Variants in HMCN1 observed in about 807,000 individuals in gnomAD.
HMCN1 encodes hemicentin 1, also known as hemicentin-1.
A neutral mutation model predicts 625.9 loss-of-function variants in HMCN1; 321 were observed. The observed-to-expected ratio is 0.51, with a 90% CI of 0.47 to 0.56. HMCN1 has a LOEUF of 0.56. HMCN1 is among the 20% of genes least tolerant of loss of function. The pLI, the probability that HMCN1 is intolerant of heterozygous loss-of-function variation, is 0.00. For synonymous variants in HMCN1, 2,425 were observed against 2,417.6 expected (o/e 1.00, Z -0.09); for missense variants, 6,588 against 6,887.3 (o/e 0.96, Z 1.54).
chr1:186,077,177 T>C (rs539895458), intron 54 of HMCN1, among the ~76,000 whole-genome samples: 2 of 152,244 alleles, frequency 1.3e-5, no homozygotes, highest in South Asian at 4.1e-4. Context: ...TTAAGGTCAG[T>C]GCAGTAAGTA....
chr1:185,815,808 T>A (rs1659810932), intron 1 of HMCN1, among the ~76,000 whole-genome samples: 1 of 150,344 alleles, frequency 6.7e-6, no homozygotes, highest in Non-Finnish European at 1.5e-5. Context: ...ACCATTAGGC[T>A]GCTAGAATTC....
chr1:185,802,762 T>C (rs1218879023), intron 1 of HMCN1, among the ~76,000 whole-genome samples: 1 of 152,110 alleles, frequency 6.6e-6, no homozygotes, highest in Non-Finnish European at 1.5e-5. Flanking sequence ...GAAGCCAGAC[T>C]TAACTAAAAT....
At chr1:185,736,247 AATATAT>A (rs928024676) in intron 1 of HMCN1, among the ~76,000 whole-genome samples, 1 of 152,044 alleles carries the variant, frequency 6.6e-6, no homozygotes, top group Non-Finnish European at 1.5e-5. Flanking sequence ...TGGGATATGT[AATATAT>A]ATATACACAC....
chr1:186,186,356 C>T (rs1249896114), intron 105 of HMCN1, among the ~76,000 whole-genome samples: 1 of 151,978 alleles, frequency 6.6e-6, no homozygotes, highest in Non-Finnish European at 1.5e-5. Flanking sequence ...GTGAAACCTC[C>T]TCTCTACTAA....
chr1:185,937,308 G>A (rs1180705944), intron 11 of HMCN1, among the ~76,000 whole-genome samples: 1 of 152,182 alleles, frequency 6.6e-6, no homozygotes, highest in African/African-American at 2.4e-5. Flanking sequence ...AGGCTGGGAA[G>A]TCCAAGATCC....
intron 11 of HMCN1, among the ~76,000 whole-genome samples, chr1:185,938,571 C>A (rs1395890341): frequency 6.6e-6 from 1 of 152,034 alleles, no homozygotes; most frequent in Non-Finnish European, 1.5e-5. Flanking sequence ...GATCTCATGA[C>A]CCACAGCCAG....
chr1:185,863,693 T>C (rs1412401851), intron 2 of HMCN1, among the ~76,000 whole-genome samples: 4 of 152,198 alleles, frequency 2.6e-5, no homozygotes, highest in African/African-American at 9.6e-5. Flanking sequence ...GTGACAAGAA[T>C]TGCTCTGAGG....
intron 102 of HMCN1, among the ~76,000 whole-genome samples, chr1:186,173,817 C>T (rs772079774): frequency 6.6e-5 from 10 of 151,910 alleles, no homozygotes; most frequent in Non-Finnish European, 1.5e-4. Context: ...AAAAATCTAG[C>T]TAAGTGGGAA....
At chr1:185,998,058 A>G (rs762101753) in intron 25 of HMCN1, among the ~76,000 whole-genome samples, 2 of 152,082 alleles carry the variant, frequency 1.3e-5, no homozygotes, top group Non-Finnish European at 2.9e-5. Flanking sequence ...CTATCCTACC[A>G]TGTTTTCTGC....
intron 25 of HMCN1, 134 bp downstream of exon 25, chr1:185,997,658 AC>A: frequency 4.3e-6 from 3 of 700,984 alleles, no homozygotes; most frequent in African/African-American, 1.8e-5. Context: ...ATAGAAACTA[AC>A]CCATTTTTCA....
intron 11 of HMCN1, among the ~76,000 whole-genome samples, chr1:185,941,429 A>G (rs1668074800): frequency 6.6e-6 from 1 of 152,234 alleles, no homozygotes; most frequent in Non-Finnish European, 1.5e-5. Context: ...TAAAATGTTA[A>G]GTTAGAACAT....
intron 15 of HMCN1, among the ~76,000 whole-genome samples, chr1:185,973,010 C>T (rs1650936789): frequency 6.6e-6 from 1 of 152,090 alleles, no homozygotes; most frequent in Non-Finnish European, 1.5e-5. Context: ...AAGGTAAACA[C>T]ACATCAAATC....
intron 1 of HMCN1, among the ~76,000 whole-genome samples, chr1:185,789,946 A>G (rs774778447): frequency 2.6e-5 from 4 of 152,222 alleles, no homozygotes; most frequent in Non-Finnish European, 4.4e-5. Flanking sequence ...AAAGAGCTTC[A>G]GTACTTGAGT....
chr1:185,778,823 T>C (rs1041628774), intron 1 of HMCN1, among the ~76,000 whole-genome samples: 9 of 152,202 alleles, frequency 5.9e-5, no homozygotes, highest in African/African-American at 2.2e-4. Context: ...CATGTGTCTT[T>C]ATAGCAGCAT....
chr1:186,017,177 T>TGTA, intron 33 of HMCN1, 106 bp downstream of exon 33: 2 of 742,652 alleles, frequency 2.7e-6, no homozygotes, highest in Non-Finnish European at 5.0e-6. Flanking sequence ...TGTATGAAAT[T>TGTA]GTATTCTTTA....
At chr1:185,812,582 T>A (rs758468241) in intron 1 of HMCN1, among the ~76,000 whole-genome samples, 1 of 152,282 alleles carries the variant, frequency 6.6e-6, no homozygotes, top group East Asian at 1.9e-4. Flanking sequence ...AAAGCCCACC[T>A]CTTATGAGGT....
rs532532143 is a variant in HMCN1 at position 185,947,817 on chromosome 1, A to AT, written c.1828+13995dup. Among the ~76,000 whole-genome samples, 30 of 152,296 alleles carry AT rather than the reference A, an allele frequency of 2.0e-4. No homozygotes were observed. In the East Asian group the frequency reaches 5.8e-3, roughly 29 times the overall value. ...TCATTGCCATTTACGCTAGTTGAAAATTACAGAAAAGTTATGTGAACAAGC... is the reference window on the plus strand; with the variant it reads ...TCATTGCCATTTACGCTAGTTGAAAATTTACAGAAAAGTTATGTGAACAAGC... On this transcript the variant is annotated intron_variant, in intron 11 of 106. Coordinates refer to ENST00000271588, the MANE Select transcript of HMCN1 (RefSeq NM_031935.3).
intron 1 of HMCN1, among the ~76,000 whole-genome samples, chr1:185,820,424 C>T (rs73072051): frequency 0.059 from 8,913 of 151,952 alleles, 881 homozygotes; most frequent in African/African-American, 0.2. Context: ...ACTGGGTCTT[C>T]AAAATAAGAA....
At chr1:185,827,176 A>G (rs889656476) in intron 1 of HMCN1, among the ~76,000 whole-genome samples, 1 of 150,770 alleles carries the variant, frequency 6.6e-6, no homozygotes, top group African/African-American at 2.4e-5. Context: ...CATCTCAAAA[A>G]AAAAAAAAAA....
Sources: gnomAD v4.1 joint callset for allele counts (sites outside exome capture counted in the v4.1 genomes callset) on GRCh38, gnomAD v4.1.1 for gene constraint, MANE v1.5 for transcripts, NCBI Gene and HGNC (gene_info 2026-07-23, HGNC 2026-07-21) for gene names.